The following FHOD3 variants were observed in gnomAD, a reference collection of about 807,000 sequenced individuals.
FHOD3 encodes FH1/FH2 domain-containing protein 3.
Under a neutral mutation model 173.0 loss-of-function variants are expected in FHOD3, and 90 were observed. That is an observed-to-expected ratio of 0.52 (90% CI 0.44 to 0.62). The LOEUF is 0.62. Among genes scored for constraint, FHOD3 ranks in the 20% least tolerant of loss-of-function variants. The pLI is 0.00. For synonymous variants in FHOD3, 828 were observed against 823.0 expected (o/e 1.01, Z -0.10); for missense variants, 1,945 against 2,034.7 (o/e 0.96, Z 0.85).
At chr18:36,545,775 T>A (rs1482306748) in intron 5 of FHOD3, among the ~76,000 whole-genome samples, 1 of 152,214 alleles carries the variant, frequency 6.6e-6, no homozygotes, top group African/African-American at 2.4e-5. Flanking sequence ...AAGTAGGAAT[T>A]GAAATGAACT....
intron 17 of FHOD3, among the ~76,000 whole-genome samples, chr18:36,698,973 C>T (rs2039433314): frequency 6.6e-6 from 1 of 152,108 alleles, no homozygotes; most frequent in Non-Finnish European, 1.5e-5. Context: ...CCGTTTGTCC[C>T]AGAGGGAGAC....
chr18:36,563,431 G>A (rs2147714720), intron 5 of FHOD3, among the ~76,000 whole-genome samples: 1 of 152,296 alleles, frequency 6.6e-6, no homozygotes, highest in Non-Finnish European at 1.5e-5. Context: ...AGGTCTTTGG[G>A]TTAAACCCTT....
At chr18:36,763,096 G>C (rs918441173) in intron 27 of FHOD3, among the ~76,000 whole-genome samples, 1 of 145,788 alleles carries the variant, frequency 6.9e-6, no homozygotes, top group Non-Finnish European at 1.5e-5. Flanking sequence ...TATAATATGC[G>C]TATTATACAC....
chr18:36,652,193 G>C (rs1248083939), intron 11 of FHOD3, among the ~76,000 whole-genome samples: 1 of 152,242 alleles, frequency 6.6e-6, no homozygotes, highest in Non-Finnish European at 1.5e-5. Context: ...TGAAGTTCCA[G>C]TCGTGGAAAT....
At position 36,326,146 on chromosome 18, in the gene FHOD3, G is replaced by T. The variant is rs372161571; in HGVS notation, c.165+28146G>T. ...TCTTTTGCAAGCCCTGGGGTTTTCA[G>T]TCTGGCCCCTTCTTGGTAATGGGAA... On this transcript the variant is annotated intron_variant, in intron 1 of 28. Coordinates refer to ENST00000590592, the MANE Select transcript of FHOD3 (RefSeq NM_001281740.3). Among the ~76,000 whole-genome samples the T allele has an allele frequency of 2.0e-5, 3 of 152,334 alleles. No individual in the cohort carries two copies. The East Asian group carries it at 5.8e-4, about 29-fold the overall frequency.
intron 3 of FHOD3, among the ~76,000 whole-genome samples, chr18:36,401,387 G>A (rs574953576): frequency 3.3e-5 from 5 of 152,294 alleles, no homozygotes; most frequent in Admixed American, 2.6e-4. Flanking sequence ...AGAACAGTGA[G>A]CAATACATTT....
chr18:36,584,696 A>G (rs1444380866), intron 6 of FHOD3, among the ~76,000 whole-genome samples: 4 of 152,204 alleles, frequency 2.6e-5, no homozygotes, highest in Admixed American at 1.3e-4. Flanking sequence ...AGTCCCAGCT[A>G]TCGGGAGGCT....
intron 5 of FHOD3, among the ~76,000 whole-genome samples, chr18:36,552,529 T>C (rs187306717): frequency 1.8e-4 from 28 of 151,408 alleles, no homozygotes; most frequent in African/African-American, 6.3e-4. Flanking sequence ...GACAGAATCT[T>C]GCTCTGTTGC....
chr18:36,521,761 T>C (rs1265995661), intron 5 of FHOD3, among the ~76,000 whole-genome samples: 1 of 152,162 alleles, frequency 6.6e-6, no homozygotes, highest in Non-Finnish European at 1.5e-5. Flanking sequence ...TCAGCTTCTT[T>C]AGTGGCTCCT....
At chr18:36,387,388 A>G (rs1369664504) in intron 3 of FHOD3, among the ~76,000 whole-genome samples, 1 of 152,186 alleles carries the variant, frequency 6.6e-6, no homozygotes, top group Non-Finnish European at 1.5e-5. Flanking sequence ...GTTTTCATTA[A>G]TGTGAGCTTT....
In FHOD3 at chr18:36,501,936, A is replaced by C. The variant is rs1345145471; in HGVS notation, c.342A>C (p.Lys114Asn). 6.3e-7 allele frequency: 1 copy of C among 1,598,842 alleles called. No individual in the cohort carries two copies. Among genetic ancestry groups the C allele is most frequent in the South Asian group, 1.1e-5 (1 of 88,208 alleles). Reference sequence around the variant, plus strand: ...ATGTTTTATTCTTTATTTCAGAAAAACTATACAACTCCAGCGGACGAGATT... The same window carrying C: ...ATGTTTTATTCTTTATTTCAGAAAACCTATACAACTCCAGCGGACGAGATT... ...LSVRVHACIE[K>N]LYNSSGRDLR... The change falls in exon 4 of 29, where the codon AAA becomes AAC. Residue 114 changes from lysine (K) to asparagine (N), a missense_variant. Coordinates refer to ENST00000590592, the MANE Select transcript of FHOD3 (RefSeq NM_001281740.3).
chr18:36,755,548 G>T (rs2150208231), intron 25 of FHOD3, among the ~76,000 whole-genome samples: 1 of 152,106 alleles, frequency 6.6e-6, no homozygotes, highest in Non-Finnish European at 1.5e-5. Flanking sequence ...GCTAGAAGAG[G>T]AACATGGAAC....
At chr18:36,744,325 T>C in intron 23 of FHOD3, 132 bp downstream of exon 23, 1 of 864,252 alleles carries the variant, frequency 1.2e-6, no homozygotes, top group Non-Finnish European at 1.7e-6. Flanking sequence ...GCTCTGGAGT[T>C]TATGAATATG....
chr18:36,517,997 A>T (rs1263732974), intron 5 of FHOD3, among the ~76,000 whole-genome samples: 1 of 152,222 alleles, frequency 6.6e-6, no homozygotes, highest in South Asian at 2.1e-4. Flanking sequence ...CATAGATATC[A>T]TGGAAAGAGA....
Position 36,433,735 on chromosome 18 carries a change from G to A in FHOD3, c.337+60991G>A, listed in dbSNP as rs532718955. On this transcript the variant is annotated intron_variant, in intron 3 of 28. Transcript: ENST00000590592. ...TTGACCAAAATATAGGACAGGTTGG[G>A]TATTGCTGGACTCATGTGATGAGTT... Among the ~76,000 whole-genome samples, 15 of 151,198 alleles carry A rather than the reference G, an allele frequency of 9.9e-5. No homozygotes were observed. The East Asian group carries it at 2.3e-3, about 24-fold the overall frequency.
At position 36,743,037 on chromosome 18, in the gene FHOD3, G is replaced by A. The variant is rs143777167; in HGVS notation, c.3879+181G>A. Among the ~76,000 whole-genome samples the A allele has an allele frequency of 3.3e-3, 502 of 152,304 alleles. 3 individuals carry two copies. Among genetic ancestry groups the A allele is most frequent in the African/African-American group, 0.011 (469 of 41,564 alleles). ...TAAGATATCAGGGCCTAGGCCGGGCGCGGTGGCTCACACCTGTAATCCCAG... is the reference window on the plus strand; with the variant it reads ...TAAGATATCAGGGCCTAGGCCGGGCACGGTGGCTCACACCTGTAATCCCAG... On this transcript the variant is annotated intron_variant, in intron 22 of 28. Coordinates refer to ENST00000590592, the MANE Select transcript of FHOD3 (RefSeq NM_001281740.3).
At chr18:36,544,295 C>T (rs375472723) in intron 5 of FHOD3, among the ~76,000 whole-genome samples, 1 of 152,254 alleles carries the variant, frequency 6.6e-6, no homozygotes, top group South Asian at 2.1e-4. Context: ...TGCAGGGCCA[C>T]ACTTGGACCA....
At chr18:36,725,354 T>A (rs548362514) in intron 19 of FHOD3, among the ~76,000 whole-genome samples, 1 of 152,318 alleles carries the variant, frequency 6.6e-6, no homozygotes, top group East Asian at 1.9e-4. Context: ...ATGTTCCCAC[T>A]TGAGAACCAG....
At chr18:36,736,226 A>G (rs1347471520) in intron 20 of FHOD3, among the ~76,000 whole-genome samples, 1 of 152,218 alleles carries the variant, frequency 6.6e-6, no homozygotes, top group Non-Finnish European at 1.5e-5. Context: ...GGCAGGGAGT[A>G]CCCGCAACCC....
Sources: allele counts gnomAD v4.1 joint callset (sites outside exome capture counted in the v4.1 genomes callset), GRCh38; gene constraint gnomAD v4.1.1; transcripts MANE v1.5; gene names NCBI Gene and HGNC (gene_info 2026-07-23, HGNC 2026-07-21).